ERAP1: variants seen among roughly 807,000 people sequenced by gnomAD.
ERAP1 encodes the protein adipocyte-derived leucine aminopeptidase.
A neutral mutation model predicts 103.7 loss-of-function variants in ERAP1; 86 were observed. That is an observed-to-expected ratio of 0.83 (90% CI 0.70 to 0.99). The LOEUF (loss-of-function observed/expected upper bound fraction) is 0.99. Among genes scored for constraint, ERAP1 ranks in the 50% least tolerant of loss-of-function variants. ERAP1 has a pLI of 0.00. For missense variants in ERAP1, 1,009 were observed against 1,128.4 expected, an observed-to-expected ratio of 0.89 and a Z score of 1.52; for synonymous variants, 398 against 402.4, an observed-to-expected ratio of 0.99 and a Z score of 0.13.
chr5:96,909,241 T>A, the ERAP1 span: 2 of 842,970 alleles, frequency 2.4e-6, no homozygotes, highest in Non-Finnish European at 3.8e-6. Flanking sequence ...GACTGACTGA[T>A]AGCATGTAAT....
chr5:96,932,616 G>A, the ERAP1 span, among the ~76,000 whole-genome samples: 10 of 152,130 alleles, frequency 6.6e-5, no homozygotes, highest in African/African-American at 2.4e-4. Context: ...TGGATTGTGC[G>A]TAAATATTCT....
the ERAP1 span, chr5:96,903,383 T>C: frequency 1.8e-5 from 29 of 1,611,630 alleles, no homozygotes; most frequent in Non-Finnish European, 2.4e-5. Context: ...TTAGATACTC[T>C]GGATCTACCT....
the ERAP1 span, chr5:96,902,189 C>G: frequency 1.1e-6 from 1 of 926,408 alleles, no homozygotes; most frequent in African/African-American, 1.6e-5. Flanking sequence ...ACTTAGGTGC[C>G]TTTTACAGTC....
chr5:96,894,210 C>G, the ERAP1 span, among the ~76,000 whole-genome samples: 1 of 152,326 alleles, frequency 6.6e-6, no homozygotes, highest in Middle Eastern at 3.4e-3. Context: ...AATGAATAAA[C>G]TAGTCTTGCT....
chr5:96,815,291 A>G, the ERAP1 span, among the ~76,000 whole-genome samples: 1 of 152,196 alleles, frequency 6.6e-6, no homozygotes, highest in African/African-American at 2.4e-5. Flanking sequence ...TTCCCATTCT[A>G]AAAGATGAAA....
chr5:96,830,625 T>G, the ERAP1 span, among the ~76,000 whole-genome samples: 1 of 152,214 alleles, frequency 6.6e-6, no homozygotes, highest in Admixed American at 6.5e-5. Flanking sequence ...CAAACGAGCA[T>G]GTAGCAGATT....
chr5:96,805,068 G>A (rs1282287650), intron 1 of ERAP1: 1 of 149,612 alleles, frequency 6.7e-6, no homozygotes, highest in Non-Finnish European at 1.5e-5. Flanking sequence ...TGCCAAGAGG[G>A]GCCCATACCA....
At position 96,775,131 on chromosome 5, in the gene ERAP1, TAGGG is replaced by T; in HGVS notation, c.*1261_*1264del. ...AGAATAAGAAATAAAATCTAATTCTTAGGGTATTAACTGACTTGACTTGAACTCC... is the reference window on the plus strand; with the variant it reads ...AGAATAAGAAATAAAATCTAATTCTTTATTAACTGACTTGACTTGAACTCC... On this transcript the variant is annotated 3_prime_UTR_variant, in exon 19 of 19. Coordinates refer to ENST00000443439, the MANE Select transcript of ERAP1 (RefSeq NM_001040458.3). 9 of 985,534 alleles carry T rather than the reference TAGGG, an allele frequency of 9.1e-6. No homozygotes were observed. The highest frequency in any genetic ancestry group is 1.1e-5 in the Non-Finnish European group (9 of 829,924). 61.0% of individuals were successfully genotyped at this position (985,534 alleles called of 1,614,324 possible).
the ERAP1 span, among the ~76,000 whole-genome samples, chr5:96,887,459 C>T: frequency 1.3e-5 from 2 of 151,932 alleles, no homozygotes; most frequent in Admixed American, 1.3e-4. Context: ...GGCCATCATG[C>T]CTGGCTAATT....
the ERAP1 span, among the ~76,000 whole-genome samples, chr5:96,841,988 C>T: frequency 6.6e-6 from 1 of 152,040 alleles, no homozygotes; most frequent in Non-Finnish European, 1.5e-5. Flanking sequence ...ATTCTTATGC[C>T]TTTGTGTCCT....
intron 13 of ERAP1, 99 bp from the exon 14 acceptor site, chr5:96,784,179 C>T: frequency 7.7e-7 from 1 of 1,306,602 alleles, no homozygotes; most frequent in South Asian, 1.2e-5. Context: ...AACAAGCAAT[C>T]AGATATAAAT....
At chr5:96,855,452 GA>G in the ERAP1 span, among the ~76,000 whole-genome samples, 1 of 152,098 alleles carries the variant, frequency 6.6e-6, no homozygotes, top group African/African-American at 2.4e-5. Context: ...TTTTGTAGCA[GA>G]AAAACTTTGG....
At chr5:96,786,741 T>C in intron 11 of ERAP1, 192 bp from the exon 12 acceptor site, 1 of 569,774 alleles carries the variant, frequency 1.8e-6, no homozygotes, top group Non-Finnish European at 3.1e-6. Context: ...CACTATTTCC[T>C]TTTCTTGGAC....
At chr5:96,832,806 T>A in the ERAP1 span, among the ~76,000 whole-genome samples, 1 of 152,228 alleles carries the variant, frequency 6.6e-6, no homozygotes, top group East Asian at 1.9e-4. Flanking sequence ...TGAATTGCAT[T>A]CATGATCCCT....
intron 18 of ERAP1, among the ~76,000 whole-genome samples, chr5:96,779,826 C>G (rs1774894924): frequency 6.6e-6 from 1 of 152,206 alleles, no homozygotes; most frequent in Non-Finnish European, 1.5e-5. Flanking sequence ...CATACTGATT[C>G]CTCATTTTTC....
At chr5:96,863,437 A>C in the ERAP1 span, among the ~76,000 whole-genome samples, 1 of 152,002 alleles carries the variant, frequency 6.6e-6, no homozygotes. Flanking sequence ...GTTTTTCTCA[A>C]TCACCATCCT....
intron 19 of ERAP1, among the ~76,000 whole-genome samples, chr5:96,766,700 G>A (rs1489615726): frequency 2.0e-5 from 3 of 152,112 alleles, no homozygotes; most frequent in Non-Finnish European, 2.9e-5. Context: ...CCAGTCTTTC[G>A]TAGGTCAACC....
the ERAP1 span, among the ~76,000 whole-genome samples, chr5:96,907,573 AT>A: frequency 2.0e-4 from 30 of 148,342 alleles, no homozygotes; most frequent in Non-Finnish European, 2.8e-4. Context: ...CATTTTGTGG[AT>A]TTTTTTTTTT....
intron 5 of ERAP1, among the ~76,000 whole-genome samples, chr5:96,794,491 T>C (rs1254460031): frequency 1.3e-5 from 2 of 152,160 alleles, no homozygotes; most frequent in Non-Finnish European, 2.9e-5. Flanking sequence ...GTGCCCGCCT[T>C]TTCAGGCCTC....
Sources: gnomAD v4.1 joint callset for allele counts (sites outside exome capture counted in the v4.1 genomes callset) on GRCh38, gnomAD v4.1.1 for gene constraint, MANE v1.5 for transcripts, NCBI Gene and HGNC (gene_info 2026-07-23, HGNC 2026-07-21) for gene names.